Variants in VPS35 observed in about 807,000 individuals in gnomAD.
VPS35 encodes the protein VPS35 retromer complex component, also known as vacuolar protein sorting-associated protein 35.
A neutral mutation model predicts 98.1 loss-of-function variants in VPS35; 21 were observed. The observed-to-expected ratio is 0.21, with a 90% CI of 0.15 to 0.31. The LOEUF is 0.31. Among genes scored for constraint, VPS35 ranks in the 10% least tolerant of loss-of-function variants. VPS35 has a pLI of 1.00. For synonymous variants in VPS35, 268 were observed against 318.2 expected (o/e 0.84, Z 1.68); for missense variants, 554 against 950.8 (o/e 0.58, Z 5.49).
intron 13 of VPS35, among the ~76,000 whole-genome samples, chr16:46,667,080 C>G (rs1425166192): frequency 6.6e-6 from 1 of 152,178 alleles, no homozygotes; most frequent in Non-Finnish European, 1.5e-5. Context: ...TTTATATTCC[C>G]ACCAATAATA....
At position 46,657,192 on chromosome 16, in the gene VPS35, T is replaced by C. The variant is rs776752985; in HGVS notation, c.*3280A>G. On this transcript the variant is annotated 3_prime_UTR_variant, in exon 17 of 17. Transcript: ENST00000299138. ...TTCAAGTGTATGGTAAATGTGTAGA[T>C]ACTGGCACCTGAATCAGTGTCTGTT... 5 of 152,224 alleles carry C rather than the reference T, an allele frequency of 3.3e-5. No homozygotes were observed. The highest frequency in any genetic ancestry group is 7.3e-5 in the Non-Finnish European group (5 of 68,050). 9.4% of individuals were successfully genotyped at this position (152,224 alleles called of 1,614,324 possible).
intron 10 of VPS35, chr16:46,673,482 G>A (rs1966097009): frequency 6.6e-6 from 1 of 152,244 alleles, no homozygotes; most frequent in African/African-American, 2.4e-5. Flanking sequence ...GTTGGCGGGA[G>A]GCAGGCCTGG....
intron 15 of VPS35, 146 bp from the exon 16 acceptor site, chr16:46,662,007 G>A: frequency 7.4e-7 from 1 of 1,347,976 alleles, no homozygotes; most frequent in Non-Finnish European, 1.0e-6. Context: ...TTCTTGTTTT[G>A]AAGTATACAG....
At chr16:46,688,907 T>C in intron 1 of VPS35, 11 of 1,454,780 alleles carry the variant, frequency 7.6e-6, no homozygotes, top group Non-Finnish European at 8.1e-6. Flanking sequence ...CCGCCCCGTC[T>C]CTCAGCAACG....
chr16:46,680,111 GC>G (rs967410196), intron 5 of VPS35, among the ~76,000 whole-genome samples: 3 of 152,190 alleles, frequency 2.0e-5, no homozygotes, highest in Non-Finnish European at 2.9e-5. Context: ...CTGACCATCT[GC>G]CCCTGCTGTG....
intron 12 of VPS35, 134 bp from the exon 13 acceptor site, chr16:46,669,186 T>G: frequency 8.7e-7 from 1 of 1,149,152 alleles, no homozygotes; most frequent in Non-Finnish European, 1.3e-6. Flanking sequence ...GGTAGGCAAT[T>G]TACATATTTC....
chr16:46,688,299 C>G, intron 1 of VPS35: 1 of 986,912 alleles, frequency 1.0e-6, no homozygotes, highest in Non-Finnish European at 1.2e-6. Flanking sequence ...TAATAAAATG[C>G]AAGTGACAAC....
intron 2 of VPS35, 146 bp from the exon 3 acceptor site, chr16:46,682,321 A>C: frequency 1.5e-6 from 1 of 677,158 alleles, no homozygotes. Flanking sequence ...TAAAAAAACA[A>C]CTTAGATCGG....
chr16:46,662,697 C>G (rs941433913), intron 14 of VPS35, among the ~76,000 whole-genome samples: 1 of 152,156 alleles, frequency 6.6e-6, no homozygotes, highest in Admixed American at 6.5e-5. Flanking sequence ...CTTTGTTTAA[C>G]CCAGGGTTCC....
At chr16:46,681,314 T>C in intron 4 of VPS35, 63 bp downstream of exon 4, 2 of 1,606,644 alleles carry the variant, frequency 1.2e-6, no homozygotes, top group Admixed American at 1.7e-5. Flanking sequence ...CTGATAATCA[T>C]AAAAGACGTA....
rs1392696603 is a variant in VPS35 at position 46,657,364 on chromosome 16, T to G, written c.*3108A>C. 1 of 152,188 alleles carries G rather than the reference T, an allele frequency of 6.6e-6. No individual in the cohort carries two copies. The highest frequency in any genetic ancestry group is 1.5e-5 in the Non-Finnish European group (1 of 68,032). The allele number at this position is 152,188 out of a possible 1,614,324, so 9.4% of individuals were successfully genotyped here. On this transcript the variant is annotated 3_prime_UTR_variant, in exon 17 of 17. Transcript: ENST00000299138. ...GTTGGGAAATCCTTTCTGCTTGAGCTTATTACCTTGAGGTCTCTGAATGAG... is the reference window on the plus strand; with the variant it reads ...GTTGGGAAATCCTTTCTGCTTGAGCGTATTACCTTGAGGTCTCTGAATGAG...
chr16:46,671,604 A>C, intron 12 of VPS35, 101 bp downstream of exon 12: 1 of 1,523,316 alleles, frequency 6.6e-7, no homozygotes, highest in African/African-American at 1.4e-5. Flanking sequence ...AATTCCTTCA[A>C]AACCATCTAA....
At chr16:46,677,535 T>A in intron 6 of VPS35, 137 bp from the exon 7 acceptor site, 1 of 762,392 alleles carries the variant, frequency 1.3e-6, no homozygotes. Context: ...TTCTAAACTT[T>A]AAAAGCTTTT....
At position 46,661,766 on chromosome 16, in the gene VPS35, T is replaced by A; in HGVS notation, c.2163A>T (p.Ile721=). The A allele has an allele frequency of 6.2e-7, 1 of 1,613,738 alleles. No homozygotes were observed. Among genetic ancestry groups the A allele is most frequent in the Non-Finnish European group, 8.5e-7 (1 of 1,179,626 alleles). Residue 721 remains isoleucine (I), a synonymous_variant, in exon 16 of 17, where the codon ATA becomes ATT. Coordinates refer to ENST00000299138, the MANE Select transcript of VPS35 (RefSeq NM_018206.6). The surrounding 1 kb of genome is among the most constrained non-coding windows in gnomAD (Gnocchi z 4.3). ...AATAGATATATCTGTTCAGAATTTC[T>A]ATAAAAAGCTGCACTTGTAGAGAGG... ...MDPSLQVQLF[I]EILNRYIYFY... is the part of the protein sequence containing the mutation.
intron 6 of VPS35, 165 bp from the exon 7 acceptor site, chr16:46,677,563 T>C (rs1272330412): frequency 1.6e-6 from 1 of 641,272 alleles, no homozygotes; most frequent in Non-Finnish European, 2.8e-6. Context: ...TGAGACAAGG[T>C]CTTGTTCGGT....
intron 12 of VPS35, among the ~76,000 whole-genome samples, chr16:46,671,395 T>A (rs1182663010): frequency 6.6e-6 from 1 of 152,166 alleles, no homozygotes; most frequent in Non-Finnish European, 1.5e-5. Context: ...TCAGAGCAAC[T>A]GAATTGTTAC....
At chr16:46,680,874 T>C (rs1271404715) in intron 4 of VPS35, 21 bp from the exon 5 acceptor site, 3 of 1,606,538 alleles carry the variant, frequency 1.9e-6, no homozygotes, top group East Asian at 4.5e-5. Flanking sequence ...TATGAAGAAA[T>C]GCTGATTAGA....
In VPS35 at chr16:46,662,885, AAAG is replaced by A. The variant is rs1372382066; in HGVS notation, c.1827+95_1827+97del. The A allele has an allele frequency of 2.0e-5, 28 of 1,375,576 alleles. No individual in the cohort carries two copies. In the East Asian group the frequency reaches 6.1e-4, roughly 30 times the overall value. 85.2% of individuals were successfully genotyped at this position (1,375,576 alleles called of 1,614,324 possible). ...GAAGGTGGTAGTTACACATTCAGTA[AAAG>A]AAGAGTAAATTCATGTGCATTACCA... is the stretch of plus-strand genomic sequence containing the variant. On this transcript the variant is annotated intron_variant, in intron 14 of 16. Coordinates refer to ENST00000299138, the MANE Select transcript of VPS35 (RefSeq NM_018206.6).
intron 2 of VPS35, chr16:46,683,217 G>C: frequency 2.2e-6 from 1 of 451,048 alleles, no homozygotes. Context: ...TCAGACACTG[G>C]TGTGGTAATA....
Sources: allele counts gnomAD v4.1 joint callset (sites outside exome capture counted in the v4.1 genomes callset), GRCh38; gene constraint gnomAD v4.1.1; non-coding constraint Gnocchi (gnomAD v3.1); transcripts MANE v1.5; gene names NCBI Gene and HGNC (gene_info 2026-07-23, HGNC 2026-07-21).